The following ITPK1 variants were observed in gnomAD, a reference collection of about 807,000 sequenced individuals.
The protein encoded by ITPK1 is inositol 1,3,4-trisphosphate 5/6-kinase.
In ITPK1, 21 loss-of-function variants were observed where a neutral mutation model predicts 45.3. The observed-to-expected ratio is 0.46, with a 90% CI of 0.33 to 0.67. The LOEUF (loss-of-function observed/expected upper bound fraction) is 0.67. Among genes scored for constraint, ITPK1 ranks in the 30% least tolerant of loss-of-function variants. The pLI is 0.02. For missense variants in ITPK1, 474 were observed against 573.5 expected, an observed-to-expected ratio of 0.83 and a Z score of 1.77; for synonymous variants, 258 against 253.6, an observed-to-expected ratio of 1.02 and a Z score of -0.16.
chr14:93,104,212 G>A (rs1020074377), intron 2 of ITPK1, among the ~76,000 whole-genome samples: 2 of 152,208 alleles, frequency 1.3e-5, no homozygotes, highest in African/African-American at 4.8e-5. Context: ...GAGGCAGGGC[G>A]CGGTCGCTCA....
At position 92,940,344 on chromosome 14, in the gene ITPK1, C is replaced by T. The variant is rs1887296568; in HGVS notation, c.*1217G>A. The T allele has an allele frequency of 2.0e-6, 2 of 1,003,616 alleles. No individual in the cohort carries two copies. Among genetic ancestry groups the T allele is most frequent in the Non-Finnish European group, 2.4e-6 (2 of 840,612 alleles). The allele number at this position is 1,003,616 out of a possible 1,614,324, so 62.2% of individuals were successfully genotyped here. On this transcript the variant is annotated 3_prime_UTR_variant, in exon 11 of 11. Transcript: ENST00000267615. ...CAGGACTGCAGAGGCTTCTCCCCAACCCTTTTCTCTGCAGAGGGGGCTGCC... is the reference window on the plus strand; with the variant it reads ...CAGGACTGCAGAGGCTTCTCCCCAATCCTTTTCTCTGCAGAGGGGGCTGCC...
chr14:93,085,862 T>G (rs1016922169), intron 2 of ITPK1, among the ~76,000 whole-genome samples: 28 of 152,290 alleles, frequency 1.8e-4, no homozygotes, highest in African/African-American at 6.7e-4. Context: ...GTAATTTTTC[T>G]TTCCCCTAAT....
intron 3 of ITPK1, among the ~76,000 whole-genome samples, chr14:93,055,611 G>A (rs2139938033): frequency 1.3e-5 from 2 of 152,266 alleles, no homozygotes; most frequent in Middle Eastern, 6.8e-3. Flanking sequence ...AATGCCACCT[G>A]AACTTCTGCA....
At chr14:92,991,540 C>G (rs898667955) in intron 5 of ITPK1, among the ~76,000 whole-genome samples, 1 of 152,142 alleles carries the variant, frequency 6.6e-6, no homozygotes, top group Non-Finnish European at 1.5e-5. Context: ...TTATGGGTAG[C>G]TCCTAAACTT....
chr14:92,962,866 G>A lies in ITPK1; in HGVS notation c.365-17C>T, dbSNP rs183824704. 721 of 1,584,462 alleles carry A rather than the reference G, an allele frequency of 4.6e-4. 4 individuals carry two copies. In the African/African-American group the frequency reaches 8.8e-3, roughly 19 times the overall value. ...TCCTGTCGTCTAGGGCAGAAGGGAG[G>A]CCTGGTCAGCACAGCTCCTGGGCAG... On this transcript the variant is annotated splice_polypyrimidine_tract_variant and intron_variant, in intron 5 of 10. Coordinates refer to ENST00000267615, the MANE Select transcript of ITPK1 (RefSeq NM_014216.6).
intron 3 of ITPK1, among the ~76,000 whole-genome samples, chr14:93,067,067 G>A (rs1890788260): frequency 6.6e-6 from 1 of 152,200 alleles, no homozygotes; most frequent in South Asian, 2.1e-4. Flanking sequence ...CTTCACCCCA[G>A]AATGCCAGGA....
At chr14:93,087,708 C>T (rs1373481055) in intron 2 of ITPK1, among the ~76,000 whole-genome samples, 1 of 152,212 alleles carries the variant, frequency 6.6e-6, no homozygotes, top group Non-Finnish European at 1.5e-5. Context: ...GATTCTCAGA[C>T]ATCGCCTGGA....
chr14:92,942,701 G>C (rs1212180199), intron 10 of ITPK1, among the ~76,000 whole-genome samples: 2 of 150,862 alleles, frequency 1.3e-5, no homozygotes, highest in Non-Finnish European at 2.9e-5. Context: ...ACCTGCCTGG[G>C]GCAAGTGCTT....
At chr14:93,007,142 C>T (rs1887654931) in intron 4 of ITPK1, among the ~76,000 whole-genome samples, 1 of 152,208 alleles carries the variant, frequency 6.6e-6, no homozygotes, top group Admixed American at 6.5e-5. Flanking sequence ...AAAGGGGCTG[C>T]CTGCCCAAGG....
At chr14:92,974,876 T>C (rs1404923758) in intron 5 of ITPK1, among the ~76,000 whole-genome samples, 3 of 152,230 alleles carry the variant, frequency 2.0e-5, no homozygotes, top group Admixed American at 6.5e-5. Flanking sequence ...ACATGAGGAC[T>C]GTGGTCACAG....
chr14:93,050,824 G>A (rs1424442373), intron 3 of ITPK1, among the ~76,000 whole-genome samples: 1 of 151,744 alleles, frequency 6.6e-6, no homozygotes, highest in African/African-American at 2.4e-5. Context: ...ACGTGTGGGG[G>A]AGGAAGTGAG....
At position 92,939,585 on chromosome 14, in the gene ITPK1, A is replaced by T; in HGVS notation, c.*1976T>A. ...GAAAATGCAGCTGCCCTGCACACCC[A>T]CAGCCCCGCCCCCGCCCCACCACGG... On this transcript the variant is annotated 3_prime_UTR_variant, in exon 11 of 11. Coordinates refer to ENST00000267615, the MANE Select transcript of ITPK1 (RefSeq NM_014216.6). 3.2e-6 allele frequency: 2 copies of T among 628,880 alleles called. No homozygotes were observed. Among genetic ancestry groups the T allele is most frequent in the Non-Finnish European group, 4.0e-6 (2 of 504,706 alleles). 39.0% of individuals were successfully genotyped at this position (628,880 alleles called of 1,614,324 possible). A position where few individuals can be genotyped will look rare whatever the true frequency, so the allele number is the denominator to read the frequency against.
chr14:93,057,299 G>A (rs903716363), intron 3 of ITPK1, among the ~76,000 whole-genome samples: 4 of 152,156 alleles, frequency 2.6e-5, no homozygotes, highest in African/African-American at 7.2e-5. Context: ...GAGGTCCAAC[G>A]TGGAGAGCTA....
In ITPK1 at chr14:92,938,751, C is replaced by T; in HGVS notation, c.*2810G>A. The T allele has an allele frequency of 3.4e-6, 2 of 595,180 alleles. No homozygotes were observed. Among genetic ancestry groups the T allele is most frequent in the Admixed American group, 6.0e-5 (2 of 33,542 alleles). The allele number at this position is 595,180 out of a possible 1,614,324, so 36.9% of individuals were successfully genotyped here. ...CAAAGCACCAGTTCCAGGGTGGCCT[C>T]CCCTTGGCTCTTGGGGTGGGGACAC... is the stretch of plus-strand genomic sequence containing the variant. On this transcript the variant is annotated 3_prime_UTR_variant, in exon 11 of 11. Coordinates refer to ENST00000267615, the MANE Select transcript of ITPK1 (RefSeq NM_014216.6).
chr14:92,981,361 G>A (rs746009056), intron 5 of ITPK1, among the ~76,000 whole-genome samples: 4 of 152,116 alleles, frequency 2.6e-5, no homozygotes, highest in Non-Finnish European at 4.4e-5. Context: ...GCTCTCTCCC[G>A]CAGCACCAAT....
chr14:92,993,797 T>C, intron 5 of ITPK1, 83 bp downstream of exon 5: 1 of 832,202 alleles, frequency 1.2e-6, no homozygotes, highest in Non-Finnish European at 2.1e-6. Context: ...AAGACCCCTC[T>C]GTCTCCACAC....
At chr14:93,007,429 G>C (rs1375966140) in intron 4 of ITPK1, among the ~76,000 whole-genome samples, 1 of 150,290 alleles carries the variant, frequency 6.7e-6, no homozygotes, top group East Asian at 2.0e-4. Context: ...GCAGCCCATG[G>C]GCTCCCCTGC....
intron 10 of ITPK1, among the ~76,000 whole-genome samples, chr14:92,945,525 G>T (rs1401306183): frequency 1.3e-5 from 2 of 152,268 alleles, no homozygotes; most frequent in Admixed American, 6.5e-5. Flanking sequence ...TCAGGATGGA[G>T]AAAGGAACGG....
chr14:93,095,460 G>A (rs1252723426), intron 2 of ITPK1, among the ~76,000 whole-genome samples: 1 of 152,076 alleles, frequency 6.6e-6, no homozygotes, highest in Non-Finnish European at 1.5e-5. Flanking sequence ...CAGCTTCTGG[G>A]CCCTGTGGCA....
Sources: allele counts gnomAD v4.1 joint callset (sites outside exome capture counted in the v4.1 genomes callset), GRCh38; gene constraint gnomAD v4.1.1; transcripts MANE v1.5; gene names NCBI Gene and HGNC (gene_info 2026-07-23, HGNC 2026-07-21).